The following KLHL20 variants were observed in gnomAD, a reference collection of about 807,000 sequenced individuals.
The protein encoded by KLHL20 is kelch-like protein 20.
KLHL20 carries 29 observed loss-of-function variants against 69.5 expected under a neutral mutation model. The observed-to-expected ratio is 0.42, with a 90% CI of 0.31 to 0.57. The LOEUF (loss-of-function observed/expected upper bound fraction) is 0.57, where lower values mean the gene tolerates loss of function less well. KLHL20 is among the 20% of genes least tolerant of loss of function. The pLI, the probability that KLHL20 is intolerant of heterozygous loss-of-function variation, is 0.18. For synonymous variants in KLHL20, 253 were observed against 265.2 expected, an observed-to-expected ratio of 0.95 and a Z score of 0.45; for missense variants, 419 against 776.0, an observed-to-expected ratio of 0.54 and a Z score of 5.47.
chr1:173,774,590 T>C (rs1329920565), intron 9 of KLHL20, 152 bp downstream of exon 9: 6 of 711,512 alleles, frequency 8.4e-6, no homozygotes, highest in Non-Finnish European at 1.4e-5. Flanking sequence ...CTCTCAGCTC[T>C]TCCTCAGCTC....
chr1:173,736,671 C>A (rs905405474), intron 3 of KLHL20, among the ~76,000 whole-genome samples: 2 of 151,916 alleles, frequency 1.3e-5, no homozygotes, highest in Non-Finnish European at 2.9e-5. Flanking sequence ...TCTCGGCTCA[C>A]TGCAACCTCC....
chr1:173,751,089 G>A lies in KLHL20; in HGVS notation c.598-675G>A, dbSNP rs555762281. Among the ~76,000 whole-genome samples, 5 of 152,022 alleles carry A rather than the reference G, an allele frequency of 3.3e-5. No homozygotes were observed. The East Asian group carries it at 5.8e-4, about 18-fold the overall frequency. The stretch of plus-strand genomic sequence containing the variant: ...AGGAGTGACTGTTTCTTTCCTCTGC[G>A]TTGCACCCTGTCCCTTTTACTCTAC... On this transcript the variant is annotated intron_variant, in intron 3 of 11. Transcript: ENST00000209884.
intron 5 of KLHL20, among the ~76,000 whole-genome samples, chr1:173,754,063 C>G (rs997020314): frequency 6.6e-6 from 1 of 150,970 alleles, no homozygotes; most frequent in African/African-American, 2.5e-5. Flanking sequence ...TTGAACCTCC[C>G]TTGGTGATTA....
intron 11 of KLHL20, among the ~76,000 whole-genome samples, chr1:173,782,733 T>A (rs1648957957): frequency 6.6e-6 from 1 of 152,236 alleles, no homozygotes; most frequent in Non-Finnish European, 1.5e-5. Flanking sequence ...AGGCTACATC[T>A]TATTTAAGAG....
chr1:173,743,078 A>G (rs1672896351), intron 3 of KLHL20, among the ~76,000 whole-genome samples: 1 of 151,204 alleles, frequency 6.6e-6, no homozygotes, highest in Admixed American at 6.6e-5. Flanking sequence ...AACATGAAAA[A>G]TACAATGGAA....
At chr1:173,782,828 A>C (rs998718119) in intron 11 of KLHL20, among the ~76,000 whole-genome samples, 2 of 152,204 alleles carry the variant, frequency 1.3e-5, no homozygotes, top group African/African-American at 2.4e-5. Context: ...TTAAGTAGTT[A>C]AGTAGTTTTT....
intron 3 of KLHL20, among the ~76,000 whole-genome samples, chr1:173,736,195 C>T (rs907806122): frequency 6.6e-6 from 1 of 152,048 alleles, no homozygotes; most frequent in African/African-American, 2.4e-5. Flanking sequence ...GATCTGTGAT[C>T]TGCTTGCCTC....
intron 11 of KLHL20, among the ~76,000 whole-genome samples, chr1:173,784,760 A>G (rs1364492298): frequency 2.0e-5 from 3 of 152,228 alleles, no homozygotes; most frequent in African/African-American, 7.2e-5. Context: ...TAAATAATTG[A>G]AGAATTTTAG....
chr1:173,729,358 C>G (rs1233768993), intron 2 of KLHL20, among the ~76,000 whole-genome samples: 1 of 152,184 alleles, frequency 6.6e-6, no homozygotes, highest in Non-Finnish European at 1.5e-5. Flanking sequence ...AAGGAATCCT[C>G]CCTAACTCAT....
rs34450473 is a variant in KLHL20 at position 173,733,718 on chromosome 1, C to T, written c.29C>T (p.Thr10Ile). 2,541 of 1,611,070 alleles carry T rather than the reference C, an allele frequency of 1.6e-3. 17 individuals carry two copies. In the African/African-American group the frequency reaches 0.019, roughly 12 times the overall value. Reference sequence around the variant, plus strand: ...CTCCCCCATCATTCCTATAGGTGTACCAACATTCGACCAGGAGAGACTGGA... The same window carrying T: ...CTCCCCCATCATTCCTATAGGTGTATCAACATTCGACCAGGAGAGACTGGA... MEGKPMRRC[T>I]NIRPGETGMD... The change falls in exon 3 of 12, where the codon ACC (threonine) becomes ATC (isoleucine). Residue 10 changes from threonine to isoleucine, a missense_variant. Thr to Ile is a moderately conservative substitution (Grantham distance 89, BLOSUM62 -1). Transcript: ENST00000209884.
chr1:173,778,228 C>T (rs560869004), intron 10 of KLHL20, among the ~76,000 whole-genome samples: 1 of 152,076 alleles, frequency 6.6e-6, no homozygotes, highest in Non-Finnish European at 1.5e-5. Flanking sequence ...CTCAGCCCCC[C>T]ACCCCCCGAC....
At chr1:173,752,739 C>T (rs907347400) in intron 4 of KLHL20, among the ~76,000 whole-genome samples, 3 of 152,176 alleles carry the variant, frequency 2.0e-5, no homozygotes, top group South Asian at 2.1e-4. Context: ...TCTTGCTGAA[C>T]GTTTTTAGTA....
Position 173,785,243 on chromosome 1 carries a change from G to T in KLHL20, c.1826G>T (p.Trp609Leu), listed in dbSNP as rs747198833. ...ATGACACATTGTGAATCCCATATTT[G>T]GTGAACACAGAGAAGACAGTCTTGT... ...IKMTHCESHI[W>L] Residue 609 changes from tryptophan to leucine, a missense_variant, in exon 12 of 12, where the codon TGG becomes TTG. Coordinates refer to ENST00000209884, the MANE Select transcript of KLHL20 (RefSeq NM_014458.4). 3.7e-6 allele frequency: 6 copies of T among 1,608,350 alleles called. No individual in the cohort carries two copies. The South Asian group carries it at 6.7e-5, about 18-fold the overall frequency.
At chr1:173,772,479 G>C (rs1263229711) in intron 8 of KLHL20, among the ~76,000 whole-genome samples, 2 of 152,024 alleles carry the variant, frequency 1.3e-5, no homozygotes, top group Admixed American at 6.5e-5. Context: ...AGATCATATG[G>C]AACAAATTTA....
intron 2 of KLHL20, among the ~76,000 whole-genome samples, chr1:173,724,295 AG>A (rs1671854011): frequency 6.6e-6 from 1 of 151,814 alleles, no homozygotes; most frequent in Admixed American, 6.6e-5. Flanking sequence ...ATGAGCCACT[AG>A]GCTCAGCCTC....
chr1:173,717,497 A>G (rs898535459), intron 2 of KLHL20, among the ~76,000 whole-genome samples: 3 of 152,098 alleles, frequency 2.0e-5, no homozygotes, highest in African/African-American at 4.8e-5. Context: ...CCTACATTCA[A>G]TCATGGTCAC....
In KLHL20 at chr1:173,786,517, C is replaced by T. The variant is rs1167117538; in HGVS notation, c.*1270C>T. The stretch of plus-strand genomic sequence containing the variant: ...TGCATTTAAAAGGAATAACCTCCTT[C>T]TCCCTTTCCCCAACTACAAAAATGT... On this transcript the variant is annotated 3_prime_UTR_variant, in exon 12 of 12. Coordinates refer to ENST00000209884, the MANE Select transcript of KLHL20 (RefSeq NM_014458.4). 1.3e-5 allele frequency: 2 copies of T among 152,678 alleles called. No homozygotes were observed. Among genetic ancestry groups the T allele is most frequent in the East Asian group, 3.9e-4 (2 of 5,186 alleles). 9.5% of individuals were successfully genotyped at this position (152,678 alleles called of 1,614,324 possible). A position where few individuals can be genotyped will look rare whatever the true frequency, so the allele number is the denominator to read the frequency against.
rs759841086 is a variant in KLHL20, at chr1:173,774,341, T to C, written c.1332T>C (p.Ala444=). 1 of 1,614,132 alleles carries C rather than the reference T, an allele frequency of 6.2e-7. No individual in the cohort carries two copies. The highest frequency in any genetic ancestry group is 1.1e-5 in the South Asian group (1 of 91,086). Residue 444 remains alanine, a synonymous_variant, in exon 9 of 12, where the codon GCT becomes GCC. Transcript: ENST00000209884. The part of the protein sequence containing the change: ...DPKENKWTRV[A]SMSTRRLGVA... ...AGGAGAACAAGTGGACTCGGGTAGCTTCTATGAGTACCAGAAGACTAGGTG... is the reference window on the plus strand; with the variant it reads ...AGGAGAACAAGTGGACTCGGGTAGCCTCTATGAGTACCAGAAGACTAGGTG...
rs577600114 is a variant in KLHL20, at chr1:173,751,652, G to C, written c.598-112G>C. The C allele has an allele frequency of 2.4e-4, 233 of 957,826 alleles. 2 individuals carry two copies. The highest frequency in any genetic ancestry group is 2.2e-3 in the East Asian group (85 of 39,316). 59.3% of individuals were successfully genotyped at this position (957,826 alleles called of 1,614,324 possible). A position where few individuals can be genotyped will look rare whatever the true frequency, so the allele number is the denominator to read the frequency against. On this transcript the variant is annotated intron_variant, in intron 3 of 11. Coordinates refer to ENST00000209884, the MANE Select transcript of KLHL20 (RefSeq NM_014458.4). The stretch of plus-strand genomic sequence containing the variant: ...TTTTTCCTTTCCTCTGGTATCGTTT[G>C]AAACTTCAGCGCATTGTAGAATACA...
Sources: allele counts gnomAD v4.1 joint callset (sites outside exome capture counted in the v4.1 genomes callset), GRCh38; gene constraint gnomAD v4.1.1; transcripts MANE v1.5; gene names NCBI Gene and HGNC (gene_info 2026-07-23, HGNC 2026-07-21).